Variants in MTA3 observed in about 807,000 individuals in gnomAD.
The protein encoded by MTA3 is metastasis-associated protein MTA3.
Under a neutral mutation model 83.5 loss-of-function variants are expected in MTA3, and 34 were observed. That is an observed-to-expected ratio of 0.41 (90% CI 0.31 to 0.54). The LOEUF (loss-of-function observed/expected upper bound fraction) is 0.54. MTA3 is among the 20% of genes least tolerant of loss of function. MTA3 has a pLI of 0.33. For synonymous variants in MTA3, 303 were observed against 252.7 expected (o/e 1.20, Z -1.89); for missense variants, 761 against 726.4 (o/e 1.05, Z -0.55).
intron 2 of MTA3, among the ~76,000 whole-genome samples, chr2:42,519,799 C>T (rs1675330723): frequency 6.6e-6 from 1 of 151,816 alleles, no homozygotes; most frequent in African/African-American, 2.4e-5. Flanking sequence ...CTTGTAATCC[C>T]AGCACTTTGG....
At chr2:42,555,791 G>T (rs559577944) in intron 2 of MTA3, among the ~76,000 whole-genome samples, 9 of 150,000 alleles carry the variant, frequency 6.0e-5, no homozygotes, top group African/African-American at 1.2e-4. Context: ...GAAAGAAAAG[G>T]CCAGGCACGG....
intron 4 of MTA3, among the ~76,000 whole-genome samples, chr2:42,623,274 T>C (rs917604251): frequency 3.9e-5 from 6 of 152,218 alleles, no homozygotes; most frequent in African/African-American, 1.4e-4. Flanking sequence ...TCCAAGGAAC[T>C]GAGGCCCATT....
chr2:42,584,935 A>AT (rs879751312), intron 3 of MTA3, among the ~76,000 whole-genome samples: 2,069 of 142,412 alleles, frequency 0.015, 28 homozygotes, highest in African/African-American at 0.042. Flanking sequence ...AAGCCATAAG[A>AT]TTTTTTTTTT....
chr2:42,624,570 C>A (rs1685896528), intron 4 of MTA3, among the ~76,000 whole-genome samples: 1 of 152,176 alleles, frequency 6.6e-6, no homozygotes, highest in Admixed American at 6.6e-5. Context: ...TTGTGATCCA[C>A]CTGCCTCGGC....
At chr2:42,752,940 T>TTTC (rs1486752664) in intron 16 of MTA3, among the ~76,000 whole-genome samples, 1 of 152,070 alleles carries the variant, frequency 6.6e-6, no homozygotes, top group Non-Finnish European at 1.5e-5. Context: ...TTTTTTTTTT[T>TTTC]TTCAGACAGG....
At chr2:42,692,280 T>G (rs760339832) in intron 9 of MTA3, among the ~76,000 whole-genome samples, 1 of 152,226 alleles carries the variant, frequency 6.6e-6, no homozygotes, top group Non-Finnish European at 1.5e-5. Context: ...TTCAGCATGT[T>G]AATTGCATTT....
At chr2:42,696,919 T>C (rs1470598843) in intron 10 of MTA3, among the ~76,000 whole-genome samples, 1 of 152,184 alleles carries the variant, frequency 6.6e-6, no homozygotes, top group Non-Finnish European at 1.5e-5. Flanking sequence ...GAACCTATTT[T>C]ATTAAAAAAG....
At chr2:42,584,292 C>G (rs548000954) in intron 3 of MTA3, among the ~76,000 whole-genome samples, 1 of 152,260 alleles carries the variant, frequency 6.6e-6, no homozygotes, top group African/African-American at 2.4e-5. Flanking sequence ...CCTCTACTCG[C>G]TAGCCCATTA....
In MTA3 at chr2:42,701,291, C is replaced by CAAA. The variant is rs35602598; in HGVS notation, c.1026-2884_1026-2882dup. On this transcript the variant is annotated intron_variant, in intron 11 of 16. Coordinates refer to ENST00000405094, the MANE Select transcript of MTA3 (RefSeq NM_001330442.2). ...CACTCCAGCCTGGGTGACCCTGCCT[C>CAAA]AAAAAAAAAAAAAAAAAAAAATTAA... Among the ~76,000 whole-genome samples, 248 of 69,734 alleles carry CAAA rather than the reference C, an allele frequency of 3.6e-3. 9 individuals are homozygous for CAAA. The highest frequency in any genetic ancestry group is 0.013 in the African/African-American group (203 of 15,504). The allele number at this position is 69,734 out of a possible 152,430, so 45.7% of individuals were successfully genotyped here.
chr2:42,695,985 T>C (rs1693358000), intron 10 of MTA3, 146 bp downstream of exon 10: 3 of 553,728 alleles, frequency 5.4e-6, no homozygotes, highest in Non-Finnish European at 3.2e-6. Flanking sequence ...TTCATATCTT[T>C]AGGATATTAT....
At chr2:42,686,319 C>A (rs1415808307) in intron 9 of MTA3, among the ~76,000 whole-genome samples, 1 of 152,188 alleles carries the variant, frequency 6.6e-6, no homozygotes, top group South Asian at 2.1e-4. Context: ...AAAATTTATA[C>A]ACAGTAAAAT....
chr2:42,637,020 A>G (rs1001117376), intron 4 of MTA3, among the ~76,000 whole-genome samples: 1 of 152,210 alleles, frequency 6.6e-6, no homozygotes, highest in South Asian at 2.1e-4. Context: ...GTAGGATTAT[A>G]TGGGACATAC....
At chr2:42,663,331 G>C (rs1689912516) in intron 8 of MTA3, among the ~76,000 whole-genome samples, 1 of 152,182 alleles carries the variant, frequency 6.6e-6, no homozygotes, top group Non-Finnish European at 1.5e-5. Flanking sequence ...CCCACTGCTG[G>C]TGAATGTGCA....
At chr2:42,751,375 C>A (rs748287614) in intron 16 of MTA3, among the ~76,000 whole-genome samples, 1 of 152,220 alleles carries the variant, frequency 6.6e-6, no homozygotes, top group Non-Finnish European at 1.5e-5. Flanking sequence ...ACATCATGGT[C>A]TAGGAAGGAG....
chr2:42,557,773 T>C (rs993176465), intron 2 of MTA3, among the ~76,000 whole-genome samples: 4 of 152,266 alleles, frequency 2.6e-5, no homozygotes, highest in Admixed American at 6.5e-5. Flanking sequence ...CTCTGTCTCT[T>C]ATAGAAAGGG....
chr2:42,623,060 GT>G (rs1685734870), intron 4 of MTA3, among the ~76,000 whole-genome samples: 1 of 152,240 alleles, frequency 6.6e-6, no homozygotes, highest in Non-Finnish European at 1.5e-5. Flanking sequence ...AAAGGTAGTT[GT>G]TTTAGTAAAT....
chr2:42,682,468 C>A lies in MTA3; in HGVS notation c.770C>A (p.Pro257Gln). ...AGCAGTGCCATTAGTGTCTTAGTACCACTCGGAGGACCTGTTTTATGCAGA... is the reference window on the plus strand; with the variant it reads ...AGCAGTGCCATTAGTGTCTTAGTACAACTCGGAGGACCTGTTTTATGCAGA... ...DLSSAISVLV[P>Q]LGGPVLCRDE... Residue 257 changes from proline to glutamine, a missense_variant, in exon 9 of 17, where the codon CCA becomes CAA. Physicochemically the swap from Pro to Gln is moderately conservative, Grantham distance 76. Coordinates refer to ENST00000405094, the MANE Select transcript of MTA3 (RefSeq NM_001330442.2). 1 of 1,612,222 alleles carries A rather than the reference C, an allele frequency of 6.2e-7. No homozygotes were observed. The highest frequency in any genetic ancestry group is 8.5e-7 in the Non-Finnish European group (1 of 1,179,150).
Position 42,753,394 on chromosome 2 carries a change from G to T in MTA3, c.1780G>T (p.Asp594Tyr), listed in dbSNP as rs762975125. The change falls in exon 17 of 17, where the codon GAC (aspartate) becomes TAC (tyrosine). Residue 594 changes from aspartate (D) to tyrosine (Y), a missense_variant. Physicochemically the swap from Asp to Tyr is radical, Grantham distance 160. Coordinates refer to ENST00000405094, the MANE Select transcript of MTA3 (RefSeq NM_001330442.2). ...GLDELTCCVS[D>Y] ...TCTAGAACTCACGTGCTGTGTGTCAGACTGAGCTTTCCCTGATTCATTCTA... is the reference window on the plus strand; with the variant it reads ...TCTAGAACTCACGTGCTGTGTGTCATACTGAGCTTTCCCTGATTCATTCTA... 8.4e-6 allele frequency: 13 copies of T among 1,550,608 alleles called. No individual in the cohort carries two copies. The South Asian group carries it at 1.1e-4, about 13-fold the overall frequency.
At chr2:42,655,897 C>A in intron 6 of MTA3, among the ~76,000 whole-genome samples, 1 of 152,226 alleles carries the variant, frequency 6.6e-6, no homozygotes, top group East Asian at 1.9e-4. Context: ...GCCACCGCAC[C>A]CAGCCTGTTG....
Sources: gnomAD v4.1 joint callset for allele counts (sites outside exome capture counted in the v4.1 genomes callset) on GRCh38, gnomAD v4.1.1 for gene constraint, MANE v1.5 for transcripts, NCBI Gene and HGNC (gene_info 2026-07-23, HGNC 2026-07-21) for gene names.